COQ9: variants seen among roughly 807,000 people sequenced by gnomAD.
COQ9 encodes the protein ubiquinone biosynthesis protein COQ9, mitochondrial.
COQ9 carries 35 observed loss-of-function variants against 42.4 expected under a neutral mutation model. The observed-to-expected ratio is 0.83, with a 90% CI of 0.63 to 1.10. The LOEUF is 1.10. Ranked by LOEUF, COQ9 falls within the 50% of genes least tolerant of loss-of-function variation. COQ9 has a pLI of 0.00. For synonymous variants in COQ9, 155 were observed against 155.1 expected, an observed-to-expected ratio of 1.00 and a Z score of 0.00; for missense variants, 406 against 414.6, an observed-to-expected ratio of 0.98 and a Z score of 0.18.
In COQ9 at chr16:57,451,314, TCC is replaced by T. The variant is rs1251980273; in HGVS notation, c.242+107_242+108del. ...ATCCCCTTTTGTACCTTCCTTCATTTCCAAGGCCATCTTTGTTTTTTAGAATT... is the reference window on the plus strand; with the variant it reads ...ATCCCCTTTTGTACCTTCCTTCATTTAAGGCCATCTTTGTTTTTTAGAATT... On this transcript the variant is annotated intron_variant, in intron 2 of 8. Coordinates refer to ENST00000262507, the MANE Select transcript of COQ9 (RefSeq NM_020312.4). 2.4e-6 allele frequency: 3 copies of T among 1,251,784 alleles called. No individual in the cohort carries two copies. The African/African-American group carries it at 4.4e-5, about 18-fold the overall frequency. The allele number at this position is 1,251,784 out of a possible 1,614,324, so 77.5% of individuals were successfully genotyped here. A position where few individuals can be genotyped will look rare whatever the true frequency, so the allele number is the denominator to read the frequency against.
chr16:57,458,305 C>G lies in COQ9; in HGVS notation c.666C>G (p.Ser222Arg), dbSNP rs1468772163. ...NIPSSLSLLT[S>R]MVDDMWHYAG... is the part of the protein sequence containing the mutation. ...CGTCCAGCCTGAGCCTGCTCACCAG[C>G]ATGGTGGATGACATGTGGCATTACG... The change falls in exon 6 of 9, where the codon AGC becomes AGG. Residue 222 changes from serine (S) to arginine (R), a missense_variant. By Grantham distance (110) the Ser-to-Arg change is moderately radical. Coordinates refer to ENST00000262507, the MANE Select transcript of COQ9 (RefSeq NM_020312.4). The G allele has an allele frequency of 1.9e-6, 3 of 1,613,138 alleles. No homozygotes were observed. The South Asian group carries it at 3.3e-5, about 18-fold the overall frequency.
At chr16:57,460,456 C>G (rs2146593995) in intron 8 of COQ9, 133 bp from the exon 9 acceptor site, 1 of 884,268 alleles carries the variant, frequency 1.1e-6, no homozygotes, top group South Asian at 1.5e-5. Context: ...GACAGTCTGG[C>G]CAACATAGCA....
At chr16:57,459,482 G>A (rs1395720805) in intron 6 of COQ9, 83 bp from the exon 7 acceptor site, 4 of 1,430,240 alleles carry the variant, frequency 2.8e-6, no homozygotes, top group Non-Finnish European at 3.9e-6. Context: ...AGTCAAGAGG[G>A]AACCCAGGAG....
At chr16:57,450,941 T>C in intron 1 of COQ9, 99 bp from the exon 2 acceptor site, 1 of 1,311,422 alleles carries the variant, frequency 7.6e-7, no homozygotes, top group Non-Finnish European at 1.1e-6. Flanking sequence ...TCTACAGGAG[T>C]CTCTGGCCTG....
Position 57,451,112 on chromosome 16 carries a change from A to T in COQ9, c.146A>T (p.Glu49Val). The change falls in exon 2 of 9, where the codon GAG becomes GTG. Residue 49 changes from glutamate (E) to valine (V), a missense_variant. Coordinates refer to ENST00000262507, the MANE Select transcript of COQ9 (RefSeq NM_020312.4). ...ASAVGLRSSD[E>V]QKQQPPNSFS... ...GCTGTGGGGCTAAGGTCTTCAGATG[A>T]GCAGAAGCAGCAGCCTCCCAACTCA... 5 of 1,614,100 alleles carry T rather than the reference A, an allele frequency of 3.1e-6. No homozygotes were observed. Among genetic ancestry groups the T allele is most frequent in the Non-Finnish European group, 4.2e-6 (5 of 1,180,028 alleles).
At chr16:57,448,902 T>A (rs1438240381) in intron 1 of COQ9, among the ~76,000 whole-genome samples, 3 of 151,976 alleles carry the variant, frequency 2.0e-5, no homozygotes, top group Non-Finnish European at 1.5e-5. Context: ...CAGAATAGTA[T>A]TTTTTTTATG....
chr16:57,449,372 G>A (rs2030228704), intron 1 of COQ9, among the ~76,000 whole-genome samples: 1 of 152,170 alleles, frequency 6.6e-6, no homozygotes, highest in Non-Finnish European at 1.5e-5. Flanking sequence ...GTCTTTATAG[G>A]CCAAGGTTGA....
intron 3 of COQ9, among the ~76,000 whole-genome samples, chr16:57,456,120 T>C (rs559455696): frequency 1.3e-5 from 2 of 152,056 alleles, no homozygotes; most frequent in East Asian, 3.9e-4. Context: ...ATAGTCAAAA[T>C]CAAGAGGATG....
In COQ9 at chr16:57,460,657, A is replaced by G. The variant is rs374263737; in HGVS notation, c.*33A>G. ...GGGTATAAGCTACAATGCCTAGAAGAGAATGAGCGGACAGATTGAAAGAGC... is the reference window on the plus strand; with the variant it reads ...GGGTATAAGCTACAATGCCTAGAAGGGAATGAGCGGACAGATTGAAAGAGC... On this transcript the variant is annotated 3_prime_UTR_variant, in exon 9 of 9. Coordinates refer to ENST00000262507, the MANE Select transcript of COQ9 (RefSeq NM_020312.4). The G allele has an allele frequency of 1.2e-6, 2 of 1,600,026 alleles. No individual in the cohort carries two copies. Among genetic ancestry groups the G allele is most frequent in the Non-Finnish European group, 1.7e-6 (2 of 1,167,298 alleles).
chr16:57,450,649 T>C (rs2030263669), intron 1 of COQ9: 3 of 296,856 alleles, frequency 1.0e-5, no homozygotes, highest in Non-Finnish European at 2.0e-5. Flanking sequence ...TGCCATAATA[T>C]ATATAAATCT....
At chr16:57,453,954 T>C (rs974153404) in intron 3 of COQ9, 6 of 152,252 alleles carry the variant, frequency 3.9e-5, no homozygotes. Context: ...ATGGATCTGC[T>C]TCCTGCCCTT....
At chr16:57,454,854 G>A (rs1213964332) in intron 3 of COQ9, among the ~76,000 whole-genome samples, 1 of 152,140 alleles carries the variant, frequency 6.6e-6, no homozygotes, top group East Asian at 1.9e-4. Flanking sequence ...AGAGAGTGCA[G>A]GAAGAGAGAT....
At chr16:57,456,231 G>A (rs77838762) in intron 3 of COQ9, among the ~76,000 whole-genome samples, 1 of 152,098 alleles carries the variant, frequency 6.6e-6, no homozygotes, top group African/African-American at 2.4e-5. Flanking sequence ...TGCAGGCTTA[G>A]TTTCTAAAAA....
At chr16:57,448,937 A>G (rs1309161311) in intron 1 of COQ9, among the ~76,000 whole-genome samples, 13 of 152,224 alleles carry the variant, frequency 8.5e-5, no homozygotes, top group African/African-American at 2.9e-4. Context: ...AATAAAAACT[A>G]AAAATCAGTC....
At chr16:57,459,937 G>A (rs1183208790) in intron 7 of COQ9, 114 bp from the exon 8 acceptor site, 18 of 1,062,324 alleles carry the variant, frequency 1.7e-5, no homozygotes, top group Admixed American at 7.4e-5. Flanking sequence ...TTCCAGTAAC[G>A]TGGCCCCCTT....
intron 1 of COQ9, among the ~76,000 whole-genome samples, chr16:57,448,457 T>C (rs1313238943): frequency 1.3e-5 from 2 of 151,660 alleles, no homozygotes; most frequent in Non-Finnish European, 2.9e-5. Flanking sequence ...AGAGTCTCAC[T>C]CTGTCACCCA....
rs1324967781 is a variant in COQ9 at position 57,451,158 on chromosome 16, G to A, written c.192G>A (p.Glu64=). 3.1e-6 allele frequency: 5 copies of A among 1,614,034 alleles called. No individual in the cohort carries two copies. The highest frequency in any genetic ancestry group is 1.3e-5 in the African/African-American group (1 of 74,902). ...PPNSFSQQHS[E]TQGAEKPDPE... ...ACTCATTTTCTCAGCAGCATTCTGA[G>A]ACACAGGGGGCAGAAAAACCTGATC... Residue 64 remains glutamate (E), a synonymous_variant, in exon 2 of 9, where the codon GAG becomes GAA. Coordinates refer to ENST00000262507, the MANE Select transcript of COQ9 (RefSeq NM_020312.4).
At position 57,451,027 on chromosome 16, in the gene COQ9, G is replaced by A. The variant is rs181356497; in HGVS notation, c.74-13G>A. The A allele has an allele frequency of 2.2e-3, 3,572 of 1,613,666 alleles. 8 individuals are homozygous for A. Among genetic ancestry groups the A allele is most frequent in the Non-Finnish European group, 2.8e-3 (3,310 of 1,179,964 alleles). The stretch of plus-strand genomic sequence containing the variant: ...TCTGTTGAATGTCCCTGACTGACCA[G>A]TTTCTGTTTCAGTGGCCCGTTGCCG... On this transcript the variant is annotated splice_polypyrimidine_tract_variant and intron_variant, in intron 1 of 8. Transcript: ENST00000262507.
At chr16:57,447,765 G>T in intron 1 of COQ9, 187 bp downstream of exon 1, 1 of 415,942 alleles carries the variant, frequency 2.4e-6, no homozygotes, top group Non-Finnish European at 4.1e-6. Context: ...CTGTCTGTGA[G>T]GGGCAGATGC....
Sources: gnomAD v4.1 joint callset for allele counts (sites outside exome capture counted in the v4.1 genomes callset) on GRCh38, gnomAD v4.1.1 for gene constraint, MANE v1.5 for transcripts, NCBI Gene and HGNC (gene_info 2026-07-23, HGNC 2026-07-21) for gene names.